The following DNAJC6 variants were observed in gnomAD, a reference collection of about 807,000 sequenced individuals.
DNAJC6 encodes DnaJ heat shock protein family (Hsp40) member C6, also known as auxilin.
In DNAJC6, 34 loss-of-function variants were observed where a neutral mutation model predicts 110.0. The observed-to-expected ratio is 0.31, with a 90% CI of 0.24 to 0.41. The LOEUF (loss-of-function observed/expected upper bound fraction) is 0.41. DNAJC6 is among the 10% of genes least tolerant of loss of function. The pLI, the probability that DNAJC6 is intolerant of heterozygous loss-of-function variation, is 1.00. For synonymous variants in DNAJC6, 406 were observed against 437.2 expected (o/e 0.93, Z 0.89); for missense variants, 1,031 against 1,207.8 (o/e 0.85, Z 2.17).
chr1:65,346,445 TCTTA>T (rs1645437638), intron 1 of DNAJC6, among the ~76,000 whole-genome samples: 1 of 152,112 alleles, frequency 6.6e-6, no homozygotes, highest in Non-Finnish European at 1.5e-5. Flanking sequence ...TGGTAAAAGT[TCTTA>T]CTTTTTAGCT....
intron 1 of DNAJC6, among the ~76,000 whole-genome samples, chr1:65,285,834 G>A (rs1653999061): frequency 6.6e-6 from 1 of 151,960 alleles, no homozygotes; most frequent in African/African-American, 2.4e-5. Context: ...CACCACACCG[G>A]CTAATTTTTG....
chr1:65,309,526 C>T (rs1645076752), upstream of DNAJC6: 2 of 1,219,142 alleles, frequency 1.6e-6, no homozygotes, highest in South Asian at 2.3e-5. Flanking sequence ...TCCCTCCCTC[C>T]CTCCTCCCGG....
intron 1 of DNAJC6, among the ~76,000 whole-genome samples, chr1:65,270,726 A>G (rs1003497005): frequency 2.0e-5 from 3 of 152,088 alleles, no homozygotes; most frequent in Non-Finnish European, 4.4e-5. Context: ...TCACTCAGGC[A>G]GGAGTTCAGT....
intron 1 of DNAJC6, among the ~76,000 whole-genome samples, chr1:65,273,319 C>T (rs2101162907): frequency 6.6e-6 from 1 of 152,244 alleles, no homozygotes; most frequent in African/African-American, 2.4e-5. Context: ...TTTAAGCCGG[C>T]CAGGCGTGGT....
chr1:65,310,704 TGG>T (rs1320029009), intron 1 of DNAJC6, among the ~76,000 whole-genome samples: 1 of 152,224 alleles, frequency 6.6e-6, no homozygotes, highest in Non-Finnish European at 1.5e-5. Context: ...AGTCCTCTCT[TGG>T]AACTGCTGTT....
chr1:65,356,273 A>G (rs1645542524), intron 1 of DNAJC6, among the ~76,000 whole-genome samples: 1 of 152,130 alleles, frequency 6.6e-6, no homozygotes, highest in Non-Finnish European at 1.5e-5. Flanking sequence ...AATTTCTAAG[A>G]ATTAAAATAA....
chr1:65,379,023 AG>A (rs1486771901), intron 4 of DNAJC6, among the ~76,000 whole-genome samples: 3 of 152,220 alleles, frequency 2.0e-5, no homozygotes, highest in African/African-American at 7.2e-5. Flanking sequence ...GGGATAAATT[AG>A]AGATGGTGCA....
rs542538395 is a variant in DNAJC6, at chr1:65,325,843, C to A, written c.193+15905C>A. ...TAGGCTATAGCCTATTGCTCCCAGG[C>A]TACAAGCCTGTATAGCATGTTACTG... On this transcript the variant is annotated intron_variant, in intron 1 of 18. Coordinates refer to ENST00000371069, the MANE Select transcript of DNAJC6 (RefSeq NM_001256864.2). Among the ~76,000 whole-genome samples the A allele has an allele frequency of 5.3e-4, 81 of 152,320 alleles. 2 individuals are homozygous for A. The South Asian group carries it at 0.016, about 30-fold the overall frequency.
chr1:65,413,284 C>CT lies in DNAJC6; in HGVS notation c.*262dup. ...CAGAACCACCGCATTCCACCCTGCC[C>CT]TTTGGGGAGCCTACTCAGCATTCTA... On this transcript the variant is annotated 3_prime_UTR_variant, in exon 19 of 19. Coordinates refer to ENST00000371069, the MANE Select transcript of DNAJC6 (RefSeq NM_001256864.2). The CT allele has an allele frequency of 2.7e-6, 1 of 376,154 alleles. No homozygotes were observed. The highest frequency in any genetic ancestry group is 4.9e-6 in the Non-Finnish European group (1 of 205,712). The allele number at this position is 376,154 out of a possible 1,614,324, so 23.3% of individuals were successfully genotyped here. A position where few individuals can be genotyped will look rare whatever the true frequency, so the allele number is the denominator to read the frequency against.
intron 1 of DNAJC6, among the ~76,000 whole-genome samples, chr1:65,353,525 C>T (rs950259175): frequency 2.0e-5 from 3 of 152,190 alleles, no homozygotes; most frequent in African/African-American, 7.2e-5. Context: ...AAATATGTTA[C>T]ATCCATTTGA....
intron 1 of DNAJC6, among the ~76,000 whole-genome samples, chr1:65,295,223 C>A (rs1323912079): frequency 1.3e-5 from 2 of 152,154 alleles, no homozygotes; most frequent in Non-Finnish European, 2.9e-5. Context: ...GCATCTGGGT[C>A]TCCTGAATTT....
At position 65,405,886 on chromosome 1, in the gene DNAJC6, C is replaced by T. The variant is rs1406952394; in HGVS notation, c.2244C>T (p.Ala748=). ...DLGTLGSSSF[A]SKPTTPTGLG... is the part of the protein sequence containing the mutation. ...TTTCTTTAGGTAGTTCTTCCTTTGC[C>T]AGCAAACCCACCACACCAACTGGAT... Residue 748 remains alanine (A), a synonymous_variant, in exon 16 of 19, where the codon GCC becomes GCT. Transcript: ENST00000371069. The T allele has an allele frequency of 6.2e-7, 1 of 1,602,580 alleles. No homozygotes were observed. Among genetic ancestry groups the T allele is most frequent in the Non-Finnish European group, 8.5e-7 (1 of 1,173,976 alleles).
chr1:65,391,140 A>G (rs1426879520), intron 11 of DNAJC6, among the ~76,000 whole-genome samples: 1 of 152,222 alleles, frequency 6.6e-6, no homozygotes, highest in Non-Finnish European at 1.5e-5. Context: ...ATAATAACCT[A>G]TAATCAAACA....
chr1:65,394,873 A>C (rs769122344), intron 12 of DNAJC6, 25 bp from the exon 13 acceptor site: 3 of 1,563,846 alleles, frequency 1.9e-6, no homozygotes, highest in Non-Finnish European at 2.6e-6. Flanking sequence ...GGGACAAATA[A>C]ATATATTTTC....
chr1:65,364,629 TGGCAGGTGC>T lies in DNAJC6; in HGVS notation c.194-5_197del. 1 of 1,522,280 alleles carries T rather than the reference TGGCAGGTGC, an allele frequency of 6.6e-7. No homozygotes were observed. 94.3% of individuals were successfully genotyped at this position (1,522,280 alleles called of 1,614,324 possible). A position where few individuals can be genotyped will look rare whatever the true frequency, so the allele number is the denominator to read the frequency against. ...TTGTTTGTTTGTTTTTTTTTTTTTT[TGGCAGGTGC>T]CTCATCTCCAGACATGGAGCCCAGC... On this transcript the variant is annotated splice_acceptor_variant and splice_polypyrimidine_tract_variant and coding_sequence_variant and intron_variant, in exon 2 of 19. Coordinates refer to ENST00000371069, the MANE Select transcript of DNAJC6 (RefSeq NM_001256864.2). LOFTEE classifies it high-confidence loss of function.
chr1:65,388,791 G>T (rs1226629714), intron 9 of DNAJC6, among the ~76,000 whole-genome samples: 1 of 152,170 alleles, frequency 6.6e-6, no homozygotes, highest in East Asian at 1.9e-4. Flanking sequence ...TAGAAGCCCC[G>T]CTATAGCACT....
intron 1 of DNAJC6, among the ~76,000 whole-genome samples, chr1:65,272,865 T>C (rs1382368001): frequency 6.6e-6 from 1 of 152,190 alleles, no homozygotes; most frequent in Non-Finnish European, 1.5e-5. Flanking sequence ...GTGTATGTTA[T>C]TCAGATTTCC....
At chr1:65,386,381 A>T (rs6700226) in intron 7 of DNAJC6, among the ~76,000 whole-genome samples, 98,285 of 152,108 alleles carry the variant, frequency 0.65, 32,250 homozygotes, top group African/African-American at 0.79. Context: ...GAAATTAGTT[A>T]GGAATAGATT....
chr1:65,290,298 C>T (rs1644856763), intron 1 of DNAJC6, among the ~76,000 whole-genome samples: 1 of 152,102 alleles, frequency 6.6e-6, no homozygotes, highest in African/African-American at 2.4e-5. Context: ...AATCTTCTGT[C>T]AATGTGGTTT....
Sources: gnomAD v4.1 joint callset for allele counts (sites outside exome capture counted in the v4.1 genomes callset) on GRCh38, gnomAD v4.1.1 for gene constraint, MANE v1.5 for transcripts, NCBI Gene and HGNC (gene_info 2026-07-23, HGNC 2026-07-21) for gene names.